The following TMED3 variants were observed in gnomAD, a reference collection of about 807,000 sequenced individuals.
The protein encoded by TMED3 is transmembrane emp24 domain-containing protein 3.
TMED3 carries 9 observed loss-of-function variants against 15.0 expected under a neutral mutation model. The ratio of observed to expected loss-of-function variants is 0.60; its 90% CI spans 0.36 to 1.04. The LOEUF is 1.04. Ranked by LOEUF, TMED3 falls within the 50% of genes least tolerant of loss-of-function variation. The probability of loss-of-function intolerance (pLI) is 0.01; values close to 1 mark genes in which losing one functional copy is unlikely to be tolerated. For missense variants in TMED3, 267 were observed against 278.9 expected (o/e 0.96, Z 0.30); for synonymous variants, 117 against 121.4 (o/e 0.96, Z 0.24).
At chr15:79,392,009 T>C (rs1893702367) in intron 2 of TMED3, among the ~76,000 whole-genome samples, 2 of 152,176 alleles carry the variant, frequency 1.3e-5, no homozygotes, top group African/African-American at 2.4e-5. Context: ...AGGCAGAAGA[T>C]AGTTTGTTGG....
intron 2 of TMED3, among the ~76,000 whole-genome samples, chr15:79,364,338 T>C (rs1345089559): frequency 6.6e-6 from 1 of 152,038 alleles, no homozygotes; most frequent in African/African-American, 2.4e-5. Flanking sequence ...AAATATCTGG[T>C]GTAAGCACTT....
intron 2 of TMED3, among the ~76,000 whole-genome samples, chr15:79,386,529 T>C (rs1893628043): frequency 6.6e-6 from 1 of 152,092 alleles, no homozygotes. Flanking sequence ...GGTATTTTGA[T>C]GAATAACAGT....
rs546366259 is a variant in TMED3 at position 79,371,308 on chromosome 15, A to G, written c.418-40092A>G. On this transcript the variant is annotated intron_variant, in intron 2 of 2. Transcript: ENST00000424155. ...TGGCTATGTTAAGAAAATCCATATA[A>G]AATGTCTTTTGTTGATGAGGGTTGG... 3.3e-5 allele frequency among the ~76,000 whole-genome samples: 5 copies of G among 152,260 alleles called. No homozygotes were observed. In the East Asian group the frequency reaches 7.7e-4, roughly 23 times the overall value.
chr15:79,317,215 C>G (rs920650651), intron 2 of TMED3, among the ~76,000 whole-genome samples: 1 of 152,338 alleles, frequency 6.6e-6, no homozygotes, highest in Middle Eastern at 3.4e-3. Context: ...TTCATGCAGT[C>G]TCCGTGCCGG....
intron 2 of TMED3, among the ~76,000 whole-genome samples, chr15:79,381,219 C>G (rs1268382629): frequency 6.6e-6 from 1 of 152,124 alleles, no homozygotes; most frequent in Admixed American, 6.5e-5. Context: ...TGGCAGCATC[C>G]TCTAGTTGTT....
At chr15:79,389,626 A>G (rs1390620428) in intron 2 of TMED3, among the ~76,000 whole-genome samples, 2 of 152,176 alleles carry the variant, frequency 1.3e-5, no homozygotes, top group African/African-American at 4.8e-5. Flanking sequence ...AATTCTGTGA[A>G]GAATGATGGT....
intron 2 of TMED3, among the ~76,000 whole-genome samples, chr15:79,342,796 A>G (rs1246086192): frequency 1.3e-5 from 2 of 152,198 alleles, no homozygotes; most frequent in East Asian, 3.8e-4. Context: ...AGCACTGGGG[A>G]GATAATAACA....
chr15:79,386,435 A>C (rs913338493), intron 2 of TMED3, among the ~76,000 whole-genome samples: 6 of 152,152 alleles, frequency 3.9e-5, no homozygotes, highest in African/African-American at 1.4e-4. Flanking sequence ...TATATGCTAC[A>C]TTGTTCCTCA....
chr15:79,334,544 G>T (rs1215473721), intron 2 of TMED3, among the ~76,000 whole-genome samples: 1 of 152,152 alleles, frequency 6.6e-6, no homozygotes, highest in Non-Finnish European at 1.5e-5. Context: ...CAAATCTCAG[G>T]AGAACTGATG....
In TMED3 at chr15:79,367,849, A is replaced by G. The variant is rs543334658; in HGVS notation, c.418-43551A>G. Among the ~76,000 whole-genome samples, 7 of 152,380 alleles carry G rather than the reference A, an allele frequency of 4.6e-5. 1 individual carries two copies. The South Asian group carries it at 1.4e-3, about 32-fold the overall frequency. ...GTCTTACAGATCAAAGGTAGATTCA[A>G]AGATTTTCCGATTTGCAATTTGTTA... On this transcript the variant is annotated intron_variant, in intron 2 of 2. Transcript: ENST00000424155.
At chr15:79,412,219 C>G (rs866837283) in exon 3 of TMED3, 1 of 152,360 alleles carries the variant, frequency 6.6e-6, no homozygotes, top group African/African-American at 2.4e-5. Flanking sequence ...CCATCCCCCC[C>G]AATCACTGCT....
intron 2 of TMED3, among the ~76,000 whole-genome samples, chr15:79,349,341 T>C (rs1004546784): frequency 1.3e-5 from 2 of 152,188 alleles, no homozygotes; most frequent in African/African-American, 4.8e-5. Context: ...ATCTGTCAAC[T>C]TAATTTTTTT....
At chr15:79,394,079 C>A (rs1446383921) in intron 2 of TMED3, among the ~76,000 whole-genome samples, 1 of 152,012 alleles carries the variant, frequency 6.6e-6, no homozygotes, top group Non-Finnish European at 1.5e-5. Context: ...GAATTCACAC[C>A]AAAATGTATA....
intron 2 of TMED3, among the ~76,000 whole-genome samples, chr15:79,316,980 T>G (rs1376278587): frequency 6.6e-6 from 1 of 151,946 alleles, no homozygotes; most frequent in East Asian, 1.9e-4. Context: ...GTTTTTGTGG[T>G]GAGGGTGAGC....
chr15:79,338,363 A>T (rs1481577416), intron 2 of TMED3, among the ~76,000 whole-genome samples: 1 of 152,190 alleles, frequency 6.6e-6, no homozygotes, highest in Non-Finnish European at 1.5e-5. Flanking sequence ...TGCATTAAAC[A>T]TCTCAAAGGC....
chr15:79,323,363 C>T (rs953563030), downstream of TMED3, among the ~76,000 whole-genome samples: 15 of 152,126 alleles, frequency 9.9e-5, no homozygotes, highest in Admixed American at 8.5e-4. Context: ...GGAAAGGAAG[C>T]AAAATAATCT....
intron 2 of TMED3, among the ~76,000 whole-genome samples, chr15:79,404,187 G>A (rs1893871191): frequency 6.6e-6 from 1 of 152,198 alleles, no homozygotes; most frequent in African/African-American, 2.4e-5. Flanking sequence ...GAAGCACAAT[G>A]GGCAGGTTAG....
At chr15:79,326,101 A>G (rs149573331), downstream of TMED3, among the ~76,000 whole-genome samples, 25 of 152,312 alleles carry the variant, frequency 1.6e-4, no homozygotes, top group East Asian at 4.4e-3. Context: ...TAGAGGTTTT[A>G]TTTTATGTAC....
chr15:79,403,212 C>A (rs1484667767), intron 2 of TMED3, among the ~76,000 whole-genome samples: 3 of 104,058 alleles, frequency 2.9e-5, no homozygotes, highest in East Asian at 6.0e-4. Context: ...GACAGCGGGA[C>A]TCTGTCTCAA....
Sources: gnomAD v4.1 joint callset for allele counts (sites outside exome capture counted in the v4.1 genomes callset) on GRCh38, gnomAD v4.1.1 for gene constraint, MANE v1.5 for transcripts, NCBI Gene and HGNC (gene_info 2026-07-23, HGNC 2026-07-21) for gene names.